Variants in NRG1 observed in about 807,000 individuals in gnomAD.
NRG1 encodes pro-neuregulin-1, membrane-bound isoform.
NRG1 carries 18 observed loss-of-function variants against 63.8 expected under a neutral mutation model. The ratio of observed to expected loss-of-function variants is 0.28; its 90% CI spans 0.19 to 0.42. The LOEUF (loss-of-function observed/expected upper bound fraction) is 0.42. NRG1 is among the 10% of genes least tolerant of loss of function. The pLI is 1.00. For synonymous variants in NRG1, 302 were observed against 301.3 expected (o/e 1.00, Z -0.02); for missense variants, 762 against 814.7 (o/e 0.94, Z 0.79).
intron 1 of NRG1, among the ~76,000 whole-genome samples, chr8:31,894,553 C>CTTT (rs397892970): frequency 1.1e-5 from 1 of 91,932 alleles, no homozygotes; most frequent in Non-Finnish European, 2.6e-5. Flanking sequence ...TTTCTTTTTT[C>CTTT]TTTTTTTTTT....
intron 1 of NRG1, among the ~76,000 whole-genome samples, chr8:32,567,991 G>A (rs1252880492): frequency 6.6e-6 from 1 of 152,196 alleles, no homozygotes; most frequent in African/African-American, 2.4e-5. Flanking sequence ...TATTTGGCAG[G>A]TCAAGGGTGA....
intron 1 of NRG1, among the ~76,000 whole-genome samples, chr8:31,963,951 T>C (rs893448634): frequency 1.3e-5 from 2 of 152,110 alleles, no homozygotes; most frequent in African/African-American, 2.4e-5. Context: ...TGGTAACAGG[T>C]AGAAAATGTA....
intron 5 of NRG1, among the ~76,000 whole-genome samples, chr8:32,702,834 G>A (rs1815308328): frequency 6.6e-6 from 1 of 152,090 alleles, no homozygotes; most frequent in Admixed American, 6.6e-5. Flanking sequence ...GAGGAAGGGA[G>A]GAGTCAAGAA....
intron 1 of NRG1, among the ~76,000 whole-genome samples, chr8:31,861,646 C>A (rs1207260775): frequency 1.3e-5 from 2 of 152,180 alleles, no homozygotes; most frequent in African/African-American, 4.8e-5. Context: ...ATAGTAGGCA[C>A]AGGCAAAGCC....
intron 4 of NRG1, 98 bp from the exon 5 acceptor site, chr8:32,616,737 C>T (rs531300729): frequency 1.2e-6 from 1 of 860,990 alleles, no homozygotes; most frequent in East Asian, 2.4e-5. Context: ...TGTTCTACTA[C>T]TCTTTTACTA....
At chr8:32,564,711 A>T (rs1229791321) in intron 1 of NRG1, among the ~76,000 whole-genome samples, 1 of 152,196 alleles carries the variant, frequency 6.6e-6, no homozygotes, top group African/African-American at 2.4e-5. Flanking sequence ...TAGGAATGTC[A>T]GTCTAACTTC....
At chr8:32,733,282 T>C (rs1168552674) in intron 6 of NRG1, among the ~76,000 whole-genome samples, 1 of 152,172 alleles carries the variant, frequency 6.6e-6, no homozygotes, top group Admixed American at 6.5e-5. Flanking sequence ...AGATGGAAGG[T>C]ATCTGTAAAC....
intron 1 of NRG1, among the ~76,000 whole-genome samples, chr8:31,989,907 G>A (rs574483821): frequency 6.6e-5 from 10 of 152,164 alleles, no homozygotes; most frequent in African/African-American, 1.7e-4. Flanking sequence ...AATTCTCCAC[G>A]TCTCAAAGGC....
intron 1 of NRG1, chr8:31,639,973 G>T (rs765563508): frequency 1.8e-6 from 2 of 1,127,772 alleles, no homozygotes; most frequent in Non-Finnish European, 2.2e-6. Context: ...AAGCCCGCAC[G>T]CACCTCGCAC....
rs117058613 is a variant in NRG1, at chr8:32,343,231, A to G, written c.38-252597A>G. On this transcript the variant is annotated intron_variant, in intron 1 of 10. Transcript: ENST00000519301. ...TGTATCAGAGAAATGTACATAATTA[A>G]TATTTGGCTTAATATATTGTCAACT... 2.0e-3 allele frequency among the ~76,000 whole-genome samples: 303 copies of G among 152,290 alleles called. 2 individuals carry two copies. The highest frequency in any genetic ancestry group is 2.4e-3 in the Non-Finnish European group (162 of 68,020).
intron 1 of NRG1, among the ~76,000 whole-genome samples, chr8:32,127,551 G>GTGTGTGTA (rs1834255767): frequency 6.6e-6 from 1 of 151,468 alleles, no homozygotes; most frequent in Non-Finnish European, 1.5e-5. Flanking sequence ...GTGTGTGTGT[G>GTGTGTGTA]TGTGTGTTTA....
At chr8:32,374,330 C>A (rs56341774) in intron 1 of NRG1, among the ~76,000 whole-genome samples, 8,575 of 152,232 alleles carry the variant, frequency 0.056, 320 homozygotes, top group Middle Eastern at 0.099. Context: ...TCAACTGCTG[C>A]GTTCCACAAC....
intron 11 of NRG1, 98 bp downstream of exon 11, chr8:32,760,504 A>G (rs1180406939): frequency 6.4e-7 from 1 of 1,559,766 alleles, no homozygotes; most frequent in East Asian, 2.3e-5. Context: ...CTCTAATCAG[A>G]ATAAGGGGCG....
At chr8:32,216,420 T>C (rs1426762106) in intron 1 of NRG1, among the ~76,000 whole-genome samples, 1 of 148,606 alleles carries the variant, frequency 6.7e-6, no homozygotes, top group Non-Finnish European at 1.5e-5. Flanking sequence ...TTATATATAA[T>C]ATAGGTTATA....
At chr8:32,294,331 G>A (rs1485085129) in intron 1 of NRG1, among the ~76,000 whole-genome samples, 1 of 152,152 alleles carries the variant, frequency 6.6e-6, no homozygotes, top group African/African-American at 2.4e-5. Flanking sequence ...GGCTGGTCAT[G>A]GTGGTCAGAT....
rs1033353534 is a variant in NRG1 at position 31,769,665 on chromosome 8, C to T, written c.37+130234C>T. Among the ~76,000 whole-genome samples the T allele has an allele frequency of 4.6e-5, 7 of 152,006 alleles. No homozygotes were observed. The South Asian group carries it at 1.0e-3, about 23-fold the overall frequency. On this transcript the variant is annotated intron_variant, in intron 1 of 10. Coordinates refer to the NRG1 transcript ENST00000519301. ...AGTAGGGGTGCACACAAGAGTCTCC[C>T]AACTTGTGAATTACTAAGGACACCA...
At chr8:32,689,751 AT>A (rs1271432626) in intron 5 of NRG1, among the ~76,000 whole-genome samples, 1 of 152,124 alleles carries the variant, frequency 6.6e-6, no homozygotes. Flanking sequence ...TTTTTATTTC[AT>A]TTACCTACTA....
intron 5 of NRG1, among the ~76,000 whole-genome samples, chr8:32,681,741 A>G (rs1296656607): frequency 6.6e-6 from 1 of 152,172 alleles, no homozygotes; most frequent in Non-Finnish European, 1.5e-5. Context: ...AGTTTGGGAC[A>G]CTTACAGGAA....
chr8:32,157,073 T>C (rs1186717441), intron 1 of NRG1, among the ~76,000 whole-genome samples: 1 of 151,536 alleles, frequency 6.6e-6, no homozygotes, highest in African/African-American at 2.4e-5. Flanking sequence ...TGTGTGTGTG[T>C]GTGTGTGTGT....
Sources: gnomAD v4.1 joint callset for allele counts (sites outside exome capture counted in the v4.1 genomes callset) on GRCh38, gnomAD v4.1.1 for gene constraint, MANE v1.5 for transcripts, NCBI Gene and HGNC (gene_info 2026-07-23, HGNC 2026-07-21) for gene names.